The following NPAS2 variants were observed in gnomAD, a reference collection of about 807,000 sequenced individuals.
The protein encoded by NPAS2 is neuronal PAS domain-containing protein 2.
Under a neutral mutation model 107.5 loss-of-function variants are expected in NPAS2, and 23 were observed. The ratio of observed to expected loss-of-function variants is 0.21; its 90% CI spans 0.15 to 0.30. The LOEUF is 0.30. Ranked by LOEUF, NPAS2 falls within the 10% of genes least tolerant of loss-of-function variation. NPAS2 has a pLI of 1.00. For synonymous variants in NPAS2, 403 were observed against 417.5 expected (o/e 0.97, Z 0.42); for missense variants, 756 against 1,043.3 (o/e 0.72, Z 3.79).
At chr2:100,818,871 A>T (rs1675879561), upstream of NPAS2, among the ~76,000 whole-genome samples, 1 of 152,176 alleles carries the variant, frequency 6.6e-6, no homozygotes, top group South Asian at 2.1e-4. Flanking sequence ...GCTTCCACCC[A>T]GGCGCCTCCC....
chr2:100,847,494 G>C (rs550478297), intron 1 of NPAS2, among the ~76,000 whole-genome samples: 9 of 151,866 alleles, frequency 5.9e-5, no homozygotes, highest in Non-Finnish European at 1.3e-4. Flanking sequence ...CTCAGCCTCC[G>C]GAGTAGCTGG....
At chr2:100,846,021 G>C (rs1677751269) in intron 1 of NPAS2, among the ~76,000 whole-genome samples, 1 of 152,180 alleles carries the variant, frequency 6.6e-6, no homozygotes, top group Admixed American at 6.5e-5. Flanking sequence ...CCCACCCTGG[G>C]TGCGGTGTCA....
At chr2:100,956,678 G>C (rs1450998980) in intron 7 of NPAS2, among the ~76,000 whole-genome samples, 1 of 152,148 alleles carries the variant, frequency 6.6e-6, no homozygotes, top group African/African-American at 2.4e-5. Flanking sequence ...GAAGCCTCAG[G>C]CCCCAAACCA....
intron 1 of NPAS2, among the ~76,000 whole-genome samples, chr2:100,843,300 A>C (rs2104434127): frequency 6.6e-6 from 1 of 151,834 alleles, no homozygotes; most frequent in African/African-American, 2.4e-5. Flanking sequence ...ACATTTTCTG[A>C]TCAAAGTCCA....
At chr2:100,878,378 G>C in intron 1 of NPAS2, 1 of 985,452 alleles carries the variant, frequency 1.0e-6, no homozygotes, top group South Asian at 4.7e-5. Context: ...TTCTTTGGAA[G>C]CAGCTGAGGA....
At chr2:100,852,897 G>T (rs888193255) in intron 1 of NPAS2, among the ~76,000 whole-genome samples, 6 of 151,950 alleles carry the variant, frequency 3.9e-5, no homozygotes, top group Admixed American at 1.3e-4. Flanking sequence ...ATAAATAAAA[G>T]ACAAAAAAAC....
In NPAS2 at chr2:100,982,266, A is replaced by G. The variant is rs1180831184; in HGVS notation, c.1518A>G (p.Lys506=). The G allele has an allele frequency of 6.2e-7, 1 of 1,614,236 alleles. No individual in the cohort carries two copies. The highest frequency in any genetic ancestry group is 1.1e-5 in the South Asian group (1 of 91,086). The change falls in exon 16 of 21, where the codon AAA becomes AAG. Residue 506 remains lysine (K), a synonymous_variant. Coordinates refer to ENST00000335681, the MANE Select transcript of NPAS2 (RefSeq NM_002518.4). ...AGTTCAGCATGTTCCAGACCATCAAAGACCAGCTAGAGCAGCGGACGCGGA... is the reference window on the plus strand; with the variant it reads ...AGTTCAGCATGTTCCAGACCATCAAGGACCAGCTAGAGCAGCGGACGCGGA... ...SAQFSMFQTI[K]DQLEQRTRIL...
At chr2:100,851,626 G>T (rs1424756413) in intron 1 of NPAS2, among the ~76,000 whole-genome samples, 1 of 152,238 alleles carries the variant, frequency 6.6e-6, no homozygotes, top group Admixed American at 6.5e-5. Context: ...GCTATGGAAA[G>T]TGTTGTTTCT....
chr2:100,994,481 A>G (rs1678328048), intron 20 of NPAS2: 1 of 152,284 alleles, frequency 6.6e-6, no homozygotes, highest in Admixed American at 6.5e-5. Flanking sequence ...GCAACAGACA[A>G]GTTTGCATGC....
intron 5 of NPAS2, among the ~76,000 whole-genome samples, chr2:100,945,468 A>G (rs1674832986): frequency 6.6e-6 from 1 of 152,176 alleles, no homozygotes; most frequent in Non-Finnish European, 1.5e-5. Context: ...GGCCATTGCC[A>G]GCCTGACTTC....
chr2:100,977,585 G>C, intron 14 of NPAS2, 125 bp from the exon 15 acceptor site: 1 of 764,804 alleles, frequency 1.3e-6, no homozygotes. Flanking sequence ...ATACTTTCTA[G>C]AACTCTTGAC....
chr2:100,941,304 C>G (rs1674562833), intron 5 of NPAS2, among the ~76,000 whole-genome samples: 1 of 152,196 alleles, frequency 6.6e-6, no homozygotes, highest in Admixed American at 6.5e-5. Context: ...TGGCTCACGC[C>G]TGTAATCTCT....
intron 5 of NPAS2, among the ~76,000 whole-genome samples, chr2:100,943,909 C>T (rs1323579044): frequency 1.3e-5 from 2 of 152,202 alleles, no homozygotes; most frequent in South Asian, 2.1e-4. Context: ...ATACCACAGA[C>T]GTATGTGTTG....
At chr2:100,909,310 A>G (rs576642535) in intron 2 of NPAS2, among the ~76,000 whole-genome samples, 41 of 152,262 alleles carry the variant, frequency 2.7e-4, no homozygotes, top group Non-Finnish European at 5.4e-4. Context: ...CACTTTCTGC[A>G]GAGTCTGTTT....
At chr2:100,858,489 T>C (rs912332864) in intron 1 of NPAS2, among the ~76,000 whole-genome samples, 4 of 152,194 alleles carry the variant, frequency 2.6e-5, no homozygotes, top group African/African-American at 9.7e-5. Context: ...GTTTTTGCTG[T>C]GAGGGTCTCT....
chr2:100,819,262 G>T (rs1212661290), upstream of NPAS2, among the ~76,000 whole-genome samples: 1 of 152,178 alleles, frequency 6.6e-6, no homozygotes, highest in African/African-American at 2.4e-5. This position sits in a 1 kb window ranked among gnomAD's most constrained non-coding sequence, Gnocchi z 5.8. Context: ...GAGAGGCAGA[G>T]TGGAGCTCCA....
chr2:100,887,377 C>T (rs1680762037), intron 1 of NPAS2, among the ~76,000 whole-genome samples: 2 of 152,334 alleles, frequency 1.3e-5, no homozygotes, highest in African/African-American at 4.8e-5. Context: ...GGGCCTTGTG[C>T]CCACCAATCC....
chr2:100,883,628 G>A (rs1680515245), intron 1 of NPAS2, among the ~76,000 whole-genome samples: 2 of 152,022 alleles, frequency 1.3e-5, no homozygotes, highest in South Asian at 2.1e-4. Flanking sequence ...AGTCTCCATA[G>A]GTTCTTAGCA....
Position 100,974,845 on chromosome 2 carries a change from C to T in NPAS2, c.1183C>T (p.Leu395Phe). The T allele has an allele frequency of 6.2e-7, 1 of 1,614,140 alleles. No homozygotes were observed. The highest frequency in any genetic ancestry group is 8.5e-7 in the Non-Finnish European group (1 of 1,180,002). ...SLEPRQHFNT[L>F]DVGASGLNTS... Reference sequence around the variant, plus strand: ...GGAACCTCGGCAGCACTTTAACACACTCGACGTGGGTGCCTCGGGCCTTAA... The same window carrying T: ...GGAACCTCGGCAGCACTTTAACACATTCGACGTGGGTGCCTCGGGCCTTAA... The change falls in exon 13 of 21, where the codon CTC becomes TTC. Residue 395 changes from leucine to phenylalanine, a missense_variant. Physicochemically the swap from Leu to Phe is conservative, Grantham distance 22. Around this residue, in one of 4 missense-constraint regions of NPAS2, gnomAD observed 496 missense variants for 594.4 expected, o/e 0.83. Coordinates refer to ENST00000335681, the MANE Select transcript of NPAS2 (RefSeq NM_002518.4).
Sources: gnomAD v4.1 joint callset for allele counts (sites outside exome capture counted in the v4.1 genomes callset) on GRCh38, gnomAD v4.1.1 for gene constraint, gnomAD v4.1.1 regional missense constraint, Gnocchi (gnomAD v3.1) non-coding constraint, MANE v1.5 for transcripts, NCBI Gene and HGNC (gene_info 2026-07-23, HGNC 2026-07-21) for gene names.